Variants in MAP2 observed in about 807,000 individuals in gnomAD.
The protein encoded by MAP2 is microtubule associated protein 2.
MAP2 carries 14 observed loss-of-function variants against 137.6 expected under a neutral mutation model. The observed-to-expected ratio is 0.10, with a 90% CI of 0.07 to 0.16. The LOEUF (loss-of-function observed/expected upper bound fraction) is 0.16, where lower values mean the gene tolerates loss of function less well. Among genes scored for constraint, MAP2 ranks in the 10% least tolerant of loss-of-function variants. The pLI is 1.00. For synonymous variants in MAP2, 786 were observed against 782.3 expected, an observed-to-expected ratio of 1.00 and a Z score of -0.08; for missense variants, 2,088 against 2,191.5, an observed-to-expected ratio of 0.95 and a Z score of 0.94.
intron 4 of MAP2, among the ~76,000 whole-genome samples, chr2:209,652,761 G>A (rs541980689): frequency 6.6e-6 from 1 of 152,192 alleles, no homozygotes; most frequent in African/African-American, 2.4e-5. Context: ...AGGATTCCTT[G>A]ACTCTACCAT....
chr2:209,729,762 G>C (rs2075395107), intron 14 of MAP2, 88 bp from the exon 15 acceptor site: 1 of 775,912 alleles, frequency 1.3e-6, no homozygotes, highest in Non-Finnish European at 2.2e-6. Flanking sequence ...TTTGTGGTTT[G>C]CCGTAGTCTA....
intron 2 of MAP2, among the ~76,000 whole-genome samples, chr2:209,530,199 G>T (rs1436646958): frequency 6.6e-6 from 1 of 151,362 alleles, no homozygotes; most frequent in Non-Finnish European, 1.5e-5. Flanking sequence ...GCAGGAGGGA[G>T]AAATGCAGAG....
chr2:209,609,512 A>G (rs1298118650), intron 3 of MAP2, among the ~76,000 whole-genome samples: 3 of 152,094 alleles, frequency 2.0e-5, no homozygotes, highest in African/African-American at 4.8e-5. Flanking sequence ...CCTCACCTCT[A>G]TCCTAGACAA....
At chr2:209,562,349 G>A (rs1258787130) in intron 2 of MAP2, among the ~76,000 whole-genome samples, 3 of 151,756 alleles carry the variant, frequency 2.0e-5, no homozygotes, top group African/African-American at 7.3e-5. Flanking sequence ...TTTCACTGGA[G>A]CATATGAGTC....
chr2:209,583,197 T>A (rs2076934844), intron 3 of MAP2, among the ~76,000 whole-genome samples: 1 of 130,870 alleles, frequency 7.6e-6, no homozygotes, highest in Non-Finnish European at 1.7e-5. Context: ...GTCTATCCTA[T>A]CTATCTATTT....
intron 4 of MAP2, among the ~76,000 whole-genome samples, chr2:209,637,112 C>T (rs2093633648): frequency 6.6e-6 from 1 of 152,138 alleles, no homozygotes; most frequent in Non-Finnish European, 1.5e-5. Flanking sequence ...CTGCTGTATT[C>T]TGCTTTTCTC....
chr2:209,566,976 C>T (rs16843121), intron 2 of MAP2, among the ~76,000 whole-genome samples: 2,911 of 152,238 alleles, frequency 0.019, 94 homozygotes, highest in African/African-American at 0.067. Flanking sequence ...TTTGAGGCAT[C>T]ACCTGCTTTT....
intron 2 of MAP2, among the ~76,000 whole-genome samples, chr2:209,545,266 G>C (rs1292945443): frequency 1.3e-5 from 2 of 152,128 alleles, no homozygotes; most frequent in Non-Finnish European, 2.9e-5. Context: ...GATTTTAATA[G>C]ATTTTGCCCT....
intron 2 of MAP2, among the ~76,000 whole-genome samples, chr2:209,512,809 A>C (rs2061927566): frequency 6.6e-6 from 1 of 151,934 alleles, no homozygotes; most frequent in East Asian, 1.9e-4. Flanking sequence ...ACACCCAGCT[A>C]ATTTTTTATT....
intron 2 of MAP2, among the ~76,000 whole-genome samples, chr2:209,569,586 T>A (rs188634868): frequency 1.3e-5 from 2 of 151,786 alleles, no homozygotes; most frequent in Non-Finnish European, 3.0e-5. Flanking sequence ...TTGAATAGGA[T>A]GGTCAGGTGA....
chr2:209,427,348 A>AT (rs147945960), intron 1 of MAP2, among the ~76,000 whole-genome samples: 1 of 152,018 alleles, frequency 6.6e-6, no homozygotes, highest in African/African-American at 2.4e-5. Flanking sequence ...ACAATCTCAA[A>AT]TTTTTTTGTC....
At chr2:209,632,195 A>G (rs1259504084) in intron 4 of MAP2, among the ~76,000 whole-genome samples, 1 of 152,194 alleles carries the variant, frequency 6.6e-6, no homozygotes, top group Non-Finnish European at 1.5e-5. Flanking sequence ...GTGAGTGGAA[A>G]AGAAACCTGT....
chr2:209,431,822 G>T (rs1405379320), intron 1 of MAP2, among the ~76,000 whole-genome samples: 1 of 152,118 alleles, frequency 6.6e-6, no homozygotes, highest in Non-Finnish European at 1.5e-5. Flanking sequence ...CTTTCACATG[G>T]ATATAAAAGA....
chr2:209,599,509 A>G (rs929032673), intron 3 of MAP2, among the ~76,000 whole-genome samples: 2 of 152,154 alleles, frequency 1.3e-5, no homozygotes, highest in Non-Finnish European at 2.9e-5. Flanking sequence ...TTGTGATCAT[A>G]TATCAGACTT....
intron 2 of MAP2, among the ~76,000 whole-genome samples, chr2:209,517,598 C>T (rs2062695577): frequency 6.6e-6 from 1 of 151,816 alleles, no homozygotes; most frequent in African/African-American, 2.4e-5. Flanking sequence ...TCGTAAAGCC[C>T]ACATTATTGT....
At chr2:209,465,124 C>T (rs1703805380) in intron 1 of MAP2, among the ~76,000 whole-genome samples, 1 of 151,980 alleles carries the variant, frequency 6.6e-6, no homozygotes, top group Non-Finnish European at 1.5e-5. Flanking sequence ...TGGAAGGAGA[C>T]TTAGGGAAGA....
chr2:209,695,483 G>A lies in MAP2; in HGVS notation c.3313G>A (p.Val1105Ile), dbSNP rs2059960284. 6.2e-7 allele frequency: 1 copy of A among 1,614,002 alleles called. No homozygotes were observed. Among genetic ancestry groups the A allele is most frequent in the African/African-American group, 1.3e-5 (1 of 74,910 alleles). Residue 1105 changes from valine to isoleucine, a missense_variant, in exon 8 of 16, where the codon GTT becomes ATT. Around this residue, in one of 6 missense-constraint regions of MAP2, gnomAD observed 500 missense variants for 482.9 expected, o/e 1.04. Transcript: ENST00000682079. ...TGGCCACATGAAAGAAGGCACTAAA[G>A]TTAGTGAGACAGAAGTCAAAGAGAA... ...ESGHMKEGTKVSETEVKEKVA... is the reference protein window; with the variant it reads ...ESGHMKEGTKISETEVKEKVA...
intron 2 of MAP2, among the ~76,000 whole-genome samples, chr2:209,525,128 A>C (rs1296631535): frequency 6.6e-6 from 1 of 152,174 alleles, no homozygotes. Context: ...AATAAAGACT[A>C]TTCTGTATCT....
intron 2 of MAP2, among the ~76,000 whole-genome samples, chr2:209,558,200 A>C (rs183195300): frequency 6.6e-6 from 1 of 151,466 alleles, no homozygotes; most frequent in African/African-American, 2.4e-5. Context: ...TTCTTTCTTT[A>C]TTTTTTTGAG....
Sources: allele counts gnomAD v4.1 joint callset (sites outside exome capture counted in the v4.1 genomes callset), GRCh38; gene constraint gnomAD v4.1.1; regional missense constraint gnomAD v4.1.1; transcripts MANE v1.5; gene names NCBI Gene and HGNC (gene_info 2026-07-23, HGNC 2026-07-21).